The following NLGN1 variants were observed in gnomAD, a reference collection of about 807,000 sequenced individuals.
NLGN1 encodes neuroligin 1, also known as neuroligin-1.
A neutral mutation model predicts 65.5 loss-of-function variants in NLGN1; 12 were observed. The ratio of observed to expected loss-of-function variants is 0.18; its 90% confidence interval spans 0.12 to 0.30. NLGN1 has a LOEUF of 0.30. NLGN1 is among the 10% of genes least tolerant of loss of function. The pLI is 1.00. For synonymous variants in NLGN1, 350 were observed against 359.5 expected (o/e 0.97, Z 0.30); for missense variants, 750 against 1,007.1 (o/e 0.74, Z 3.46).
intron 3 of NLGN1, among the ~76,000 whole-genome samples, chr3:173,667,019 A>G (rs1459481579): frequency 6.6e-6 from 1 of 152,176 alleles, no homozygotes; most frequent in African/African-American, 2.4e-5. Flanking sequence ...AAAAAAGAAT[A>G]AACATAATCA....
intron 4 of NLGN1, among the ~76,000 whole-genome samples, chr3:174,251,593 AT>A (rs755931026): frequency 1.3e-5 from 2 of 152,174 alleles, no homozygotes; most frequent in Non-Finnish European, 2.9e-5. Context: ...GCATGATGAT[AT>A]TTCTTTTGGC....
chr3:174,224,553 G>T (rs930499711), intron 4 of NLGN1, among the ~76,000 whole-genome samples: 2 of 152,256 alleles, frequency 1.3e-5, no homozygotes, highest in East Asian at 3.9e-4. Flanking sequence ...ACAAAAATTA[G>T]CTGGGCATAG....
intron 4 of NLGN1, among the ~76,000 whole-genome samples, chr3:174,055,217 C>A (rs1735803111): frequency 1.5e-5 from 2 of 130,720 alleles, no homozygotes; most frequent in Admixed American, 8.8e-5. Context: ...CATTTAATAT[C>A]TAATTATTGA....
intron 4 of NLGN1, among the ~76,000 whole-genome samples, chr3:173,929,678 T>A (rs1743691417): frequency 6.7e-6 from 1 of 148,356 alleles, no homozygotes; most frequent in African/African-American, 2.5e-5. Flanking sequence ...CCCAATAAGC[T>A]TTTTTTTTTC....
chr3:173,789,995 A>G (rs1712314565), intron 3 of NLGN1: 2 of 407,298 alleles, frequency 4.9e-6, no homozygotes, highest in South Asian at 3.5e-5. Context: ...TGTCATAACC[A>G]TGCCTTTCTT....
intron 2 of NLGN1, among the ~76,000 whole-genome samples, chr3:173,478,303 T>G (rs1726609842): frequency 6.6e-6 from 1 of 151,962 alleles, no homozygotes; most frequent in Non-Finnish European, 1.5e-5. Flanking sequence ...AATGCAAGAA[T>G]AGAAAACCAA....
intron 4 of NLGN1, among the ~76,000 whole-genome samples, chr3:174,188,398 T>A (rs1731804967): frequency 6.6e-6 from 1 of 151,994 alleles, no homozygotes; most frequent in Non-Finnish European, 1.5e-5. Context: ...GAGCTTCCAT[T>A]CACTGCGCAG....
At chr3:174,289,929 A>G (rs894424262), downstream of NLGN1, among the ~76,000 whole-genome samples, 19 of 128,252 alleles carry the variant, frequency 1.5e-4, no homozygotes, top group Non-Finnish European at 2.5e-4. Flanking sequence ...ATATATGTGT[A>G]TATATATATG....
intron 4 of NLGN1, among the ~76,000 whole-genome samples, chr3:174,106,063 G>A (rs763143261): frequency 2.0e-5 from 3 of 152,084 alleles, no homozygotes; most frequent in Admixed American, 6.6e-5. Context: ...TCAATTCTTG[G>A]TAAGGACCAT....
intron 1 of NLGN1, among the ~76,000 whole-genome samples, chr3:173,401,605 T>G (rs1717719351): frequency 1.3e-5 from 2 of 152,122 alleles, no homozygotes; most frequent in South Asian, 4.1e-4. Flanking sequence ...TGCCAGACTC[T>G]GTCAGCTGGC....
At chr3:173,695,647 A>G in intron 3 of NLGN1, 1 of 228,760 alleles carries the variant, frequency 4.4e-6, no homozygotes, top group South Asian at 5.6e-5. Flanking sequence ...AAAATCTTAT[A>G]CTGTGGACTT....
chr3:174,273,898 T>G (rs1183497176), intron 4 of NLGN1, among the ~76,000 whole-genome samples: 2 of 147,340 alleles, frequency 1.4e-5, no homozygotes, highest in Non-Finnish European at 3.0e-5. Flanking sequence ...TATCCATATA[T>G]TCAGTTTGGT....
chr3:174,068,895 G>A (rs746877960), intron 4 of NLGN1, among the ~76,000 whole-genome samples: 8 of 152,120 alleles, frequency 5.3e-5, no homozygotes, highest in Non-Finnish European at 8.8e-5. Flanking sequence ...ACATTAATGT[G>A]TGTGCCGATG....
chr3:173,752,725 T>C (rs912099653), intron 3 of NLGN1, among the ~76,000 whole-genome samples: 5 of 152,086 alleles, frequency 3.3e-5, no homozygotes, highest in Admixed American at 2.6e-4. Context: ...ACTTTAAATA[T>C]ACTCTCAACT....
intron 4 of NLGN1, among the ~76,000 whole-genome samples, chr3:173,855,926 G>A (rs1727859836): frequency 1.3e-5 from 2 of 152,042 alleles, no homozygotes; most frequent in South Asian, 4.1e-4. Context: ...TTGGTTTCAG[G>A]TTTACCCATC....
intron 1 of NLGN1, among the ~76,000 whole-genome samples, chr3:173,424,466 G>T (rs994274021): frequency 6.6e-6 from 1 of 152,062 alleles, no homozygotes; most frequent in Admixed American, 6.6e-5. Context: ...TTTAAACTAA[G>T]TTCTAATTTC....
chr3:173,581,573 A>G (rs1231834260), intron 2 of NLGN1, among the ~76,000 whole-genome samples: 1 of 151,978 alleles, frequency 6.6e-6, no homozygotes, highest in African/African-American at 2.4e-5. Context: ...AATTTCAACC[A>G]TATTTTCCCA....
At chr3:173,682,588 CAAAAAAAAAA>C (rs755337219) in intron 3 of NLGN1, among the ~76,000 whole-genome samples, 6 of 41,402 alleles carry the variant, frequency 1.4e-4, no homozygotes, top group African/African-American at 6.5e-4. Context: ...GACACTGTCT[CAAAAAAAAAA>C]AAAAAAAAAA....
chr3:173,456,541 C>T (rs1722542581), intron 2 of NLGN1, among the ~76,000 whole-genome samples: 1 of 152,104 alleles, frequency 6.6e-6, no homozygotes, highest in African/African-American at 2.4e-5. Context: ...ACCTGGATTA[C>T]AGGAAACATT....
Sources: gnomAD v4.1 joint callset for allele counts (sites outside exome capture counted in the v4.1 genomes callset) on GRCh38, gnomAD v4.1.1 for gene constraint, MANE v1.5 for transcripts, NCBI Gene and HGNC (gene_info 2026-07-23, HGNC 2026-07-21) for gene names.